Variants in ZNF717 observed in about 807,000 individuals in gnomAD.
ZNF717 encodes the protein krueppel-like factor X17.
ZNF717 carries 9 observed loss-of-function variants against 13.8 expected under a neutral mutation model. The observed-to-expected ratio is 0.65, with a 90% confidence interval of 0.39 to 1.14. ZNF717 has a LOEUF of 1.14. Among genes scored for constraint, ZNF717 ranks in the 50% most tolerant of loss-of-function variants. The probability of loss-of-function intolerance (pLI) is 0.01; values close to 1 mark genes in which losing one functional copy is unlikely to be tolerated. For missense variants in ZNF717, 1,040 were observed against 1,080.7 expected (o/e 0.96, Z 0.53); for synonymous variants, 327 against 364.1 (o/e 0.90, Z 1.16).
At chr3:75,708,675 CAGG>C (rs1559568300), downstream of ZNF717, among the ~76,000 whole-genome samples, 1 of 151,826 alleles carries the variant, frequency 6.6e-6, no homozygotes, top group Non-Finnish European at 1.5e-5. Flanking sequence ...CTCTGAGCTA[CAGG>C]AGGAAATTCA....
chr3:75,770,112 G>A (rs1261761903), intron 2 of ZNF717, among the ~76,000 whole-genome samples: 2 of 152,164 alleles, frequency 1.3e-5, no homozygotes. Context: ...GTGCTGGCCA[G>A]ATGCACAGGT....
chr3:75,780,018 G>T (rs1193655924), intron 2 of ZNF717, among the ~76,000 whole-genome samples: 2 of 151,794 alleles, frequency 1.3e-5, no homozygotes, highest in Admixed American at 6.6e-5. Flanking sequence ...CCAAAACAAT[G>T]GGAGAGACGT....
chr3:75,769,171 G>T (rs544866830), intron 2 of ZNF717, among the ~76,000 whole-genome samples: 1 of 152,290 alleles, frequency 6.6e-6, no homozygotes, highest in South Asian at 2.1e-4. Flanking sequence ...CAGTGTGACA[G>T]GAGAAATGCT....
intron 2 of ZNF717, among the ~76,000 whole-genome samples, chr3:75,745,372 G>A (rs1941044098): frequency 6.6e-6 from 1 of 151,932 alleles, no homozygotes; most frequent in Non-Finnish European, 1.5e-5. Context: ...GACCCCAGTA[G>A]CAGTGTTCTG....
chr3:75,771,213 G>A (rs941235077), intron 2 of ZNF717, among the ~76,000 whole-genome samples: 1 of 152,178 alleles, frequency 6.6e-6, no homozygotes, highest in African/African-American at 2.4e-5. Flanking sequence ...GCTAAGCACT[G>A]TAACCAGTCC....
At position 75,782,103 on chromosome 3, in the gene ZNF717, C is replaced by T. The variant is rs1386773625; in HGVS notation, c.57+1203G>A. Among the ~76,000 whole-genome samples the T allele has an allele frequency of 2.0e-5, 3 of 152,292 alleles. No homozygotes were observed. The East Asian group carries it at 5.8e-4, about 29-fold the overall frequency. On this transcript the variant is annotated intron_variant, in intron 2 of 4. Coordinates refer to ENST00000652011, the MANE Select transcript of ZNF717 (RefSeq NM_001290208.3). Reference sequence around the variant, plus strand: ...CTCAAAGTGTGGCGTTTCTCTCTAACTCGCTCGGATACGACAGTTTCAACT... The same window carrying T: ...CTCAAAGTGTGGCGTTTCTCTCTAATTCGCTCGGATACGACAGTTTCAACT...
At chr3:75,780,910 G>A (rs200421245) in intron 2 of ZNF717, among the ~76,000 whole-genome samples, 212 of 150,942 alleles carry the variant, frequency 1.4e-3, no homozygotes, top group Middle Eastern at 3.4e-3. Flanking sequence ...GCATAAGAAG[G>A]TACCTTCTAC....
intron 6 of ZNF717, among the ~76,000 whole-genome samples, chr3:75,701,537 C>CAA (rs112547102): frequency 7.0e-4 from 101 of 144,792 alleles, no homozygotes; most frequent in East Asian, 1.5e-3. Context: ...GGCATGGGGG[C>CAA]AAAATTTAGC....
chr3:75,756,737 C>T (rs555859367), intron 2 of ZNF717, among the ~76,000 whole-genome samples: 92 of 152,146 alleles, frequency 6.0e-4, no homozygotes, highest in African/African-American at 2.0e-3. Context: ...TGCAATGGCG[C>T]GATCTCGGCT....
chr3:75,756,538 A>C (rs1382628840), intron 2 of ZNF717, among the ~76,000 whole-genome samples: 4 of 152,276 alleles, frequency 2.6e-5, no homozygotes, highest in African/African-American at 9.6e-5. Flanking sequence ...AAGAAATTTA[A>C]AGTACTACTC....
At chr3:75,763,537 G>C (rs1943196376) in intron 2 of ZNF717, among the ~76,000 whole-genome samples, 1 of 145,522 alleles carries the variant, frequency 6.9e-6, no homozygotes, top group Admixed American at 6.9e-5. Flanking sequence ...CTCCTACAGA[G>C]AGACTACCAG....
At chr3:75,776,525 C>T (rs1186075407) in intron 2 of ZNF717, among the ~76,000 whole-genome samples, 1 of 152,254 alleles carries the variant, frequency 6.6e-6, no homozygotes. Flanking sequence ...TTATGGTTCA[C>T]TGAGGACAGC....
intron 2 of ZNF717, among the ~76,000 whole-genome samples, chr3:75,777,750 C>G (rs1284148179): frequency 7.1e-6 from 1 of 140,910 alleles, no homozygotes; most frequent in Non-Finnish European, 1.5e-5. Flanking sequence ...ATGGGAGTGA[C>G]GTGCTAAAAC....
At chr3:75,699,557 C>T (rs1457253916) in intron 6 of ZNF717, among the ~76,000 whole-genome samples, 4 of 152,164 alleles carry the variant, frequency 2.6e-5, no homozygotes, top group African/African-American at 9.7e-5. Flanking sequence ...GCACCTCCCC[C>T]CTGCCCTCAC....
At chr3:75,773,530 T>G (rs1944057098) in intron 2 of ZNF717, among the ~76,000 whole-genome samples, 1 of 152,204 alleles carries the variant, frequency 6.6e-6, no homozygotes, top group Non-Finnish European at 1.5e-5. Context: ...CTTACCAGTT[T>G]GATACTGGGT....
At chr3:75,704,759 A>G (rs1265159459), downstream of ZNF717, among the ~76,000 whole-genome samples, 1 of 152,310 alleles carries the variant, frequency 6.6e-6, no homozygotes, top group African/African-American at 2.4e-5. Context: ...AGGCTGCCCC[A>G]GGAAAGAGGC....
At chr3:75,782,782 A>G (rs934226461) in intron 2 of ZNF717, among the ~76,000 whole-genome samples, 2 of 151,806 alleles carry the variant, frequency 1.3e-5, no homozygotes, top group African/African-American at 4.8e-5. Context: ...TCCACTGCAC[A>G]ACACACCGTG....
At position 75,739,330 on chromosome 3, in the gene ZNF717, T is replaced by C. The variant is rs1181264711; in HGVS notation, c.293A>G (p.Asp98Gly). ...TTCATGGCTCCTTTCAATAAGGTCATCAATGATCTGGACAGCTGAAATGAG... is the reference window on the plus strand; with the variant it reads ...TTCATGGCTCCTTTCAATAAGGTCACCAATGATCTGGACAGCTGAAATGAG... ...NLRLSAVQIIDDLIERSHESH... is the reference protein window; with the variant it reads ...NLRLSAVQIIGDLIERSHESH... Residue 98 changes from aspartate to glycine, a missense_variant, in exon 5 of 5, where the codon GAT becomes GGT. Physicochemically the swap from Asp to Gly is moderately conservative, Grantham distance 94. This residue lies in a region of ZNF717 where 123 missense variants were observed against 177.8 expected (regional missense o/e 0.69). Transcript: ENST00000652011. 2.0e-6 allele frequency: 3 copies of C among 1,479,868 alleles called. No homozygotes were observed. Among genetic ancestry groups the C allele is most frequent in the East Asian group, 4.9e-5 (2 of 40,444 alleles). The allele number at this position is 1,479,868 out of a possible 1,614,324, so 91.7% of individuals were successfully genotyped here.
At chr3:75,695,258 T>C (rs1264981073) in intron 6 of ZNF717, among the ~76,000 whole-genome samples, 2 of 152,292 alleles carry the variant, frequency 1.3e-5, no homozygotes, top group African/African-American at 4.8e-5. Context: ...TATATAATAA[T>C]AAAGAGATCA....
Sources: gnomAD v4.1 joint callset for allele counts (sites outside exome capture counted in the v4.1 genomes callset) on GRCh38, gnomAD v4.1.1 for gene constraint, gnomAD v4.1.1 regional missense constraint, MANE v1.5 for transcripts, NCBI Gene and HGNC (gene_info 2026-07-23, HGNC 2026-07-21) for gene names.